The following PPARGC1A variants were observed in gnomAD, a reference collection of about 807,000 sequenced individuals.
PPARGC1A encodes peroxisome proliferator-activated receptor gamma coactivator 1-alpha.
Under a neutral mutation model 88.7 loss-of-function variants are expected in PPARGC1A, and 25 were observed. The ratio of observed to expected loss-of-function variants is 0.28; its 90% CI spans 0.21 to 0.39. The LOEUF is 0.39. PPARGC1A is among the 10% of genes least tolerant of loss of function. The pLI is 1.00. For missense variants in PPARGC1A, 880 were observed against 968.7 expected, an observed-to-expected ratio of 0.91 and a Z score of 1.22; for synonymous variants, 363 against 355.6, an observed-to-expected ratio of 1.02 and a Z score of -0.24.
At chr4:24,187,484 G>A in the PPARGC1A span, among the ~76,000 whole-genome samples, 148,659 of 152,326 alleles carry the variant, frequency 0.98, 72,624 homozygotes, top group East Asian at 1. Context: ...CAGGAGCCCC[G>A]GGTTCTGGTC....
At chr4:24,226,341 G>T in the PPARGC1A span, among the ~76,000 whole-genome samples, 7 of 152,160 alleles carry the variant, frequency 4.6e-5, no homozygotes, top group African/African-American at 1.4e-4. Flanking sequence ...GATGTTCGCC[G>T]TGGAATAAGA....
chr4:24,326,509 C>T, the PPARGC1A span, among the ~76,000 whole-genome samples: 33 of 152,058 alleles, frequency 2.2e-4, no homozygotes, highest in Non-Finnish European at 3.7e-4. Context: ...AGCCTCTCTT[C>T]GCTTTCACTT....
At chr4:23,823,880 T>A (rs1369309069) in intron 7 of PPARGC1A, among the ~76,000 whole-genome samples, 1 of 152,112 alleles carries the variant, frequency 6.6e-6, no homozygotes, top group East Asian at 1.9e-4. Flanking sequence ...GCACCATAGT[T>A]CTGGTTCAAA....
At chr4:23,890,602 C>CTTTTTT (rs56855205), upstream of PPARGC1A, among the ~76,000 whole-genome samples, 38 of 103,256 alleles carry the variant, frequency 3.7e-4, no homozygotes, top group East Asian at 6.6e-4. Context: ...GCAAACGGGG[C>CTTTTTT]TTTTTTTTTT....
At chr4:24,148,096 A>T in the PPARGC1A span, among the ~76,000 whole-genome samples, 3 of 152,194 alleles carry the variant, frequency 2.0e-5, no homozygotes, top group African/African-American at 7.2e-5. Context: ...GGATGCTTAA[A>T]TCCAGATCAC....
At chr4:24,039,335 T>A in the PPARGC1A span, among the ~76,000 whole-genome samples, 3 of 152,186 alleles carry the variant, frequency 2.0e-5, no homozygotes, top group South Asian at 4.2e-4. Context: ...GAGTTGAGGT[T>A]CTTACGAGAA....
chr4:24,334,615 A>G, the PPARGC1A span, among the ~76,000 whole-genome samples: 1 of 152,112 alleles, frequency 6.6e-6, no homozygotes, highest in Non-Finnish European at 1.5e-5. Context: ...GTATCCACAG[A>G]TTCTGTTTTC....
chr4:23,866,356 T>A (rs1416510953), intron 2 of PPARGC1A: 1 of 152,218 alleles, frequency 6.6e-6, no homozygotes, highest in Non-Finnish European at 1.5e-5. Context: ...GGAGTAATGT[T>A]TATTTCCATT....
At chr4:24,054,576 G>A in the PPARGC1A span, among the ~76,000 whole-genome samples, 50 of 152,222 alleles carry the variant, frequency 3.3e-4, 1 homozygote, top group Non-Finnish European at 6.5e-4. Flanking sequence ...ATATCTTTTC[G>A]AGTGAGTAAA....
At chr4:23,837,968 GAAAGT>G (rs1337696010) in intron 2 of PPARGC1A, among the ~76,000 whole-genome samples, 2 of 152,082 alleles carry the variant, frequency 1.3e-5, no homozygotes, top group African/African-American at 2.4e-5. Context: ...ATATTTATAA[GAAAGT>G]AAAGTCAAAA....
chr4:23,935,925 T>C, the PPARGC1A span, among the ~76,000 whole-genome samples: 2 of 152,158 alleles, frequency 1.3e-5, no homozygotes, highest in African/African-American at 4.8e-5. Flanking sequence ...TGAGCCTATA[T>C]ATAAACAGCC....
At chr4:24,134,289 G>A in the PPARGC1A span, among the ~76,000 whole-genome samples, 12 of 152,164 alleles carry the variant, frequency 7.9e-5, no homozygotes, top group South Asian at 2.1e-4. Context: ...CTGCCCTCAC[G>A]TTACTGAGGA....
At chr4:24,228,401 C>T in the PPARGC1A span, among the ~76,000 whole-genome samples, 4 of 152,162 alleles carry the variant, frequency 2.6e-5, no homozygotes, top group Admixed American at 2.6e-4. Context: ...AACAGAAACT[C>T]AAATACCAGA....
the PPARGC1A span, among the ~76,000 whole-genome samples, chr4:24,383,455 A>G: frequency 6.6e-6 from 1 of 152,184 alleles, no homozygotes; most frequent in Non-Finnish European, 1.5e-5. Flanking sequence ...TTCTAACCCA[A>G]TGCAAGGAAG....
the PPARGC1A span, among the ~76,000 whole-genome samples, chr4:24,070,386 T>A: frequency 6.6e-6 from 1 of 152,194 alleles, no homozygotes; most frequent in Non-Finnish European, 1.5e-5. Context: ...CAAACATATC[T>A]GGCTGCTGGT....
Position 23,858,983 on chromosome 4 carries a change from CAT to C in PPARGC1A, c.234+25767_234+25768del, listed in dbSNP as rs1218564347. Among the ~76,000 whole-genome samples, 3 of 148,400 alleles carry C rather than the reference CAT, an allele frequency of 2.0e-5. 1 individual carries two copies. The highest frequency in any genetic ancestry group is 3.9e-4 in the East Asian group (2 of 5,108). ...TTTTGTAGAATAAATTAAATATAAA[CAT>C]AAATTAAAGTATGTAAATATAAATT... On this transcript the variant is annotated intron_variant, in intron 2 of 12. Transcript: ENST00000264867.
chr4:24,195,723 T>A, the PPARGC1A span, among the ~76,000 whole-genome samples: 1 of 152,208 alleles, frequency 6.6e-6, no homozygotes, highest in South Asian at 2.1e-4. Flanking sequence ...ATTTCCCTCC[T>A]CATATTCTTC....
intron 1 of PPARGC1A, among the ~76,000 whole-genome samples, chr4:23,895,584 C>T (rs1232692679): frequency 1.3e-5 from 2 of 151,830 alleles, no homozygotes; most frequent in Non-Finnish European, 2.9e-5. Flanking sequence ...ATTTGCTAGC[C>T]CAATTAGACA....
At chr4:23,903,277 C>T (rs1719631624), upstream of PPARGC1A, among the ~76,000 whole-genome samples, 1 of 152,048 alleles carries the variant, frequency 6.6e-6, no homozygotes, top group Non-Finnish European at 1.5e-5. Context: ...GGGTTCTTAT[C>T]CCTAAAAGGA....
Sources: allele counts gnomAD v4.1 joint callset (sites outside exome capture counted in the v4.1 genomes callset), GRCh38; gene constraint gnomAD v4.1.1; transcripts MANE v1.5; gene names NCBI Gene and HGNC (gene_info 2026-07-23, HGNC 2026-07-21).